Variants in EPHA5 observed in about 807,000 individuals in gnomAD.
EPHA5 encodes ephrin type-A receptor 5.
Under a neutral mutation model 105.0 loss-of-function variants are expected in EPHA5, and 60 were observed. That is an observed-to-expected ratio of 0.57 (90% confidence interval 0.46 to 0.71). EPHA5 has a LOEUF of 0.71. EPHA5 is among the 30% of genes least tolerant of loss of function. The pLI, the probability that EPHA5 is intolerant of heterozygous loss-of-function variation, is 0.00. For missense variants in EPHA5, 1,218 were observed against 1,274.7 expected (o/e 0.96, Z 0.68); for synonymous variants, 513 against 449.1 (o/e 1.14, Z -1.80).
At chr4:65,335,679 G>A (rs2122721) in intron 15 of EPHA5, among the ~76,000 whole-genome samples, 15,085 of 151,700 alleles carry the variant, frequency 0.099, 963 homozygotes, top group African/African-American at 0.17. Context: ...CTACCTGAAT[G>A]TGGCTATAGT....
chr4:65,661,117 C>A (rs911194158), intron 1 of EPHA5, among the ~76,000 whole-genome samples: 1 of 152,088 alleles, frequency 6.6e-6, no homozygotes, highest in Non-Finnish European at 1.5e-5. Flanking sequence ...TGCCGTAATA[C>A]AGATAATTGA....
chr4:65,432,938 G>A (rs999101393), intron 5 of EPHA5, among the ~76,000 whole-genome samples: 5 of 151,758 alleles, frequency 3.3e-5, no homozygotes, highest in Admixed American at 3.3e-4. Flanking sequence ...AGTGGATTAG[G>A]GATTTAAACA....
intron 14 of EPHA5, among the ~76,000 whole-genome samples, chr4:65,336,717 G>A (rs1401786315): frequency 6.6e-6 from 1 of 152,058 alleles, no homozygotes; most frequent in African/African-American, 2.4e-5. Flanking sequence ...TGACTGTCTA[G>A]TAGCACAAGA....
At chr4:65,589,996 G>T (rs1320757758) in intron 3 of EPHA5, among the ~76,000 whole-genome samples, 1 of 152,148 alleles carries the variant, frequency 6.6e-6, no homozygotes, top group African/African-American at 2.4e-5. Flanking sequence ...CAGAGGAAAA[G>T]CTCTTATGCA....
intron 3 of EPHA5, among the ~76,000 whole-genome samples, chr4:65,563,195 C>A (rs910461422): frequency 2.6e-5 from 4 of 151,908 alleles, no homozygotes; most frequent in Non-Finnish European, 5.9e-5. Context: ...TACTTTAGAT[C>A]CCCATTTGGC....
chr4:65,615,772 T>C (rs1430035193), intron 2 of EPHA5, among the ~76,000 whole-genome samples: 1 of 151,920 alleles, frequency 6.6e-6, no homozygotes, highest in Non-Finnish European at 1.5e-5. Flanking sequence ...AAAAATCATT[T>C]TTAATAGTGA....
At chr4:65,482,290 T>TA (rs58590136) in intron 5 of EPHA5, among the ~76,000 whole-genome samples, 8,269 of 85,030 alleles carry the variant, frequency 0.097, 659 homozygotes, top group African/African-American at 0.27. Context: ...AAGAACAAGA[T>TA]AAAAAAAAAA....
intron 8 of EPHA5, among the ~76,000 whole-genome samples, chr4:65,377,819 G>A (rs534559856): frequency 6.6e-6 from 1 of 151,876 alleles, no homozygotes; most frequent in Non-Finnish European, 1.5e-5. Context: ...TAGAAAACAT[G>A]TAAACTGGTG....
At chr4:65,615,136 T>A (rs1399381386) in intron 2 of EPHA5, among the ~76,000 whole-genome samples, 2 of 151,834 alleles carry the variant, frequency 1.3e-5, no homozygotes, top group African/African-American at 4.8e-5. Context: ...AAATTCATTA[T>A]CAGAAGCTTA....
At chr4:65,337,054 A>G (rs78775404) in intron 14 of EPHA5, among the ~76,000 whole-genome samples, 12,558 of 152,164 alleles carry the variant, frequency 0.083, 593 homozygotes, top group Middle Eastern at 0.14. Flanking sequence ...TAGCATAGGA[A>G]ATTTACAAAG....
chr4:65,543,476 G>T lies in EPHA5; in HGVS notation c.911-47933C>A, dbSNP rs182186778. On this transcript the variant is annotated intron_variant, in intron 3 of 16. Transcript: ENST00000613740. ...CACAAAGTAACTCCCATTAACAATT[G>T]CTATAAATAGAATAAAATACTTAGG... is the stretch of plus-strand genomic sequence containing the variant. Among the ~76,000 whole-genome samples the T allele has an allele frequency of 5.9e-5, 9 of 152,058 alleles. No homozygotes were observed. In the East Asian group the frequency reaches 1.7e-3, roughly 29 times the overall value.
chr4:65,620,039 TG>T, intron 2 of EPHA5, among the ~76,000 whole-genome samples: 1 of 149,634 alleles, frequency 6.7e-6, no homozygotes, highest in African/African-American at 2.4e-5. Flanking sequence ...ATCTCTGGTG[TG>T]TGTTAAAGAG....
chr4:65,446,394 G>A (rs547714196), intron 5 of EPHA5, among the ~76,000 whole-genome samples: 4 of 152,064 alleles, frequency 2.6e-5, no homozygotes, highest in African/African-American at 9.7e-5. Flanking sequence ...TAAAAGCATT[G>A]ATAGATACTG....
chr4:65,575,006 A>G (rs1187436822), intron 3 of EPHA5, among the ~76,000 whole-genome samples: 1 of 151,860 alleles, frequency 6.6e-6, no homozygotes, highest in Non-Finnish European at 1.5e-5. Context: ...TGTGTACTTT[A>G]GATAAACACT....
intron 11 of EPHA5, among the ~76,000 whole-genome samples, chr4:65,358,659 T>A (rs1044792122): frequency 6.6e-6 from 1 of 151,550 alleles, no homozygotes; most frequent in Non-Finnish European, 1.5e-5. Flanking sequence ...GAGACAGAAC[T>A]TAGAAATGTA....
At chr4:65,632,534 G>GA (rs1746742069) in intron 2 of EPHA5, among the ~76,000 whole-genome samples, 41 of 88,830 alleles carry the variant, frequency 4.6e-4, no homozygotes, top group Admixed American at 1.1e-3. Context: ...TCAATTTTCA[G>GA]CAAAAAAAAA....
chr4:65,323,655 C>G lies in EPHA5; in HGVS notation c.*459G>C, dbSNP rs1427292783. On this transcript the variant is annotated 3_prime_UTR_variant, in exon 17 of 17. Coordinates refer to ENST00000613740, the MANE Select transcript of EPHA5 (RefSeq NM_001281766.3). ...AATCTAATCATATTGCTCTTCAATACACTTTTGTAGACAATTAAGACTTGA... is the reference window on the plus strand; with the variant it reads ...AATCTAATCATATTGCTCTTCAATAGACTTTTGTAGACAATTAAGACTTGA... 1 of 230,298 alleles carries G rather than the reference C, an allele frequency of 4.3e-6. No homozygotes were observed. Among genetic ancestry groups the G allele is most frequent in the African/African-American group, 2.2e-5 (1 of 45,072 alleles). The allele number at this position is 230,298 out of a possible 1,614,324, so 14.3% of individuals were successfully genotyped here.
At chr4:65,411,114 T>A (rs1722867599) in intron 7 of EPHA5, among the ~76,000 whole-genome samples, 1 of 152,058 alleles carries the variant, frequency 6.6e-6, no homozygotes, top group Admixed American at 6.6e-5. Context: ...TATATTATTT[T>A]TATGCATGAT....
chr4:65,386,329 A>G (rs900191659), intron 8 of EPHA5, among the ~76,000 whole-genome samples: 2 of 151,982 alleles, frequency 1.3e-5, no homozygotes, highest in African/African-American at 2.4e-5. Context: ...TTTTTCTCCT[A>G]TTAAATAAGC....
Sources: gnomAD v4.1 joint callset for allele counts (sites outside exome capture counted in the v4.1 genomes callset) on GRCh38, gnomAD v4.1.1 for gene constraint, MANE v1.5 for transcripts, NCBI Gene and HGNC (gene_info 2026-07-23, HGNC 2026-07-21) for gene names.